Variants in SOX6 observed in about 807,000 individuals in gnomAD.
SOX6 encodes the protein transcription factor SOX-6.
Under a neutral mutation model 97.8 loss-of-function variants are expected in SOX6, and 11 were observed. The ratio of observed to expected loss-of-function variants is 0.11; its 90% CI spans 0.07 to 0.19. SOX6 has a LOEUF of 0.19. Among genes scored for constraint, SOX6 ranks in the 10% least tolerant of loss-of-function variants. The pLI, the probability that SOX6 is intolerant of heterozygous loss-of-function variation, is 1.00. For synonymous variants in SOX6, 360 were observed against 371.4 expected (o/e 0.97, Z 0.35); for missense variants, 810 against 1,039.5 (o/e 0.78, Z 3.04).
intron 12 of SOX6, among the ~76,000 whole-genome samples, chr11:16,046,228 T>C (rs1300730567): frequency 6.6e-6 from 1 of 152,194 alleles, no homozygotes; most frequent in Non-Finnish European, 1.5e-5. Flanking sequence ...AATAACATCA[T>C]ACATCTCCTT....
At chr11:16,582,207 A>C (rs4757414) in intron 4 of SOX6, among the ~76,000 whole-genome samples, 26,188 of 152,140 alleles carry the variant, frequency 0.17, 2,782 homozygotes, top group East Asian at 0.32. Flanking sequence ...ATTAGATACT[A>C]TGCTCAGCAC....
intron 3 of SOX6, among the ~76,000 whole-genome samples, chr11:16,308,549 G>A (rs905272706): frequency 6.6e-6 from 1 of 152,104 alleles, no homozygotes; most frequent in Non-Finnish European, 1.5e-5. Context: ...GAGAGGTGAA[G>A]GTTTCCAGCT....
At chr11:16,705,020 G>A (rs1192544219) in intron 3 of SOX6, among the ~76,000 whole-genome samples, 1 of 152,174 alleles carries the variant, frequency 6.6e-6, no homozygotes, top group African/African-American at 2.4e-5. Context: ...CACTTTGGGA[G>A]GCTGAGGCGG....
At chr11:16,241,852 G>A (rs1853204243) in intron 3 of SOX6, among the ~76,000 whole-genome samples, 1 of 151,990 alleles carries the variant, frequency 6.6e-6, no homozygotes, top group Admixed American at 6.6e-5. Flanking sequence ...AGCAGAAGGA[G>A]CAGCAGTAAG....
intron 4 of SOX6, among the ~76,000 whole-genome samples, chr11:16,209,777 T>A (rs953248145): frequency 2.7e-5 from 4 of 150,938 alleles, no homozygotes; most frequent in Non-Finnish European, 5.9e-5. Context: ...ATTATATATA[T>A]TTTTTTTTCT....
chr11:16,144,773 A>C (rs943354527), intron 6 of SOX6, among the ~76,000 whole-genome samples: 1 of 152,228 alleles, frequency 6.6e-6, no homozygotes. Context: ...ATTCCTCGAC[A>C]CATACACCCT....
At chr11:16,383,797 C>T (rs1305115410) in intron 1 of SOX6, among the ~76,000 whole-genome samples, 3 of 151,934 alleles carry the variant, frequency 2.0e-5, no homozygotes, top group East Asian at 3.9e-4. Flanking sequence ...CAGCCCATAG[C>T]CAAATAGAAG....
chr11:16,515,969 A>G (rs1215196175), intron 4 of SOX6, among the ~76,000 whole-genome samples: 1 of 151,642 alleles, frequency 6.6e-6, no homozygotes, highest in Non-Finnish European at 1.5e-5. Flanking sequence ...TATAGTTTGA[A>G]GGCAGGTAGT....
chr11:16,019,507 T>A (rs1407842985), intron 12 of SOX6, among the ~76,000 whole-genome samples: 1 of 152,118 alleles, frequency 6.6e-6, no homozygotes, highest in African/African-American at 2.4e-5. Flanking sequence ...AAATGCATTA[T>A]AATTATGATA....
chr11:16,030,157 G>A (rs192596576), intron 12 of SOX6, among the ~76,000 whole-genome samples: 96 of 152,182 alleles, frequency 6.3e-4, no homozygotes, highest in African/African-American at 2.2e-3. Context: ...GACATGAAGG[G>A]GTGGATTATT....
At chr11:16,295,438 A>G (rs995184525) in intron 3 of SOX6, among the ~76,000 whole-genome samples, 2 of 152,204 alleles carry the variant, frequency 1.3e-5, no homozygotes, top group East Asian at 3.9e-4. Flanking sequence ...GAAAAGACAC[A>G]ATCACAAGAG....
At chr11:16,311,679 T>C (rs754849663) in intron 3 of SOX6, 2 of 151,742 alleles carry the variant, frequency 1.3e-5, no homozygotes, top group Non-Finnish European at 2.9e-5. Flanking sequence ...ACAGGCAACC[T>C]AGCTCCAGAG....
At chr11:16,138,893 T>C (rs999136816) in intron 6 of SOX6, among the ~76,000 whole-genome samples, 5 of 152,244 alleles carry the variant, frequency 3.3e-5, no homozygotes, top group Non-Finnish European at 5.9e-5. Context: ...TCATTTTTTA[T>C]GGCTGCATAG....
At chr11:16,163,185 A>T (rs1850798399) in intron 6 of SOX6, among the ~76,000 whole-genome samples, 2 of 152,196 alleles carry the variant, frequency 1.3e-5, no homozygotes, top group Admixed American at 6.5e-5. Flanking sequence ...TTGTAAGACA[A>T]GTCTCATTTA....
intron 3 of SOX6, among the ~76,000 whole-genome samples, chr11:16,250,000 A>C (rs1404497149): frequency 2.0e-5 from 3 of 152,202 alleles, no homozygotes; most frequent in Non-Finnish European, 4.4e-5. Flanking sequence ...TTTCCCCACT[A>C]AGTTTCTATA....
intron 3 of SOX6, among the ~76,000 whole-genome samples, chr11:16,694,529 AAAAT>A (rs1330651544): frequency 6.6e-6 from 1 of 152,224 alleles, no homozygotes; most frequent in Non-Finnish European, 1.5e-5. Flanking sequence ...TCTCTATAAA[AAAAT>A]AAATAAATAA....
upstream of SOX6, among the ~76,000 whole-genome samples, chr11:16,478,541 G>A (rs991845273): frequency 3.9e-5 from 6 of 152,158 alleles, no homozygotes; most frequent in Admixed American, 3.3e-4. Flanking sequence ...TGCTACATAT[G>A]TTAAAAGCAA....
intron 3 of SOX6, chr11:16,269,883 C>T (rs899546611): frequency 6.6e-6 from 1 of 151,238 alleles, no homozygotes; most frequent in African/African-American, 2.4e-5. Context: ...GATAATTTTA[C>T]TTCGTTACAA....
intron 1 of SOX6, among the ~76,000 whole-genome samples, chr11:16,426,134 T>C (rs992020070): frequency 6.6e-6 from 1 of 150,886 alleles, no homozygotes; most frequent in Non-Finnish European, 1.5e-5. Flanking sequence ...TGGGCGCCTG[T>C]AATCCCAGCT....
Sources: gnomAD v4.1 joint callset for allele counts (sites outside exome capture counted in the v4.1 genomes callset) on GRCh38, gnomAD v4.1.1 for gene constraint, MANE v1.5 for transcripts, NCBI Gene and HGNC (gene_info 2026-07-23, HGNC 2026-07-21) for gene names.